The following ERC1 variants were observed in gnomAD, a reference collection of about 807,000 sequenced individuals.
The protein encoded by ERC1 is ELKS/RAB6-interacting/CAST family member 1, also known as RAB6 interacting protein 2.
A neutral mutation model predicts 132.0 loss-of-function variants in ERC1; 56 were observed. The observed-to-expected ratio is 0.42, with a 90% CI of 0.34 to 0.53. ERC1 has a LOEUF of 0.53. Among genes scored for constraint, ERC1 ranks in the 20% least tolerant of loss-of-function variants. The pLI is 0.03. For synonymous variants in ERC1, 478 were observed against 476.1 expected, an observed-to-expected ratio of 1.00 and a Z score of -0.05; for missense variants, 1,202 against 1,349.9, an observed-to-expected ratio of 0.89 and a Z score of 1.72.
intron 14 of ERC1, among the ~76,000 whole-genome samples, chr12:1,284,315 TACC>T (rs1327151321): frequency 6.7e-6 from 1 of 150,258 alleles, no homozygotes; most frequent in African/African-American, 2.4e-5. Flanking sequence ...TGTGTATACA[TACC>T]ACATTTTATC....
intron 18 of ERC1, among the ~76,000 whole-genome samples, chr12:1,479,836 A>G (rs1328413269): frequency 6.6e-6 from 1 of 152,152 alleles, no homozygotes; most frequent in Non-Finnish European, 1.5e-5. Context: ...GGACGGATCC[A>G]GACTCCCCGG....
intron 15 of ERC1, among the ~76,000 whole-genome samples, chr12:1,294,641 G>A (rs2154342047): frequency 6.6e-6 from 1 of 152,250 alleles, no homozygotes; most frequent in East Asian, 1.9e-4. Context: ...GGAGGTATAG[G>A]ATCAACCCTC....
At chr12:1,100,954 TAGG>T (rs1944591677) in intron 3 of ERC1, among the ~76,000 whole-genome samples, 2 of 151,770 alleles carry the variant, frequency 1.3e-5, no homozygotes, top group African/African-American at 4.8e-5. Context: ...TAGGGTAAGA[TAGG>T]AGGAAAAGCT....
At chr12:1,341,069 CTTTTTTTTTTTTTT>C (rs35902573) in intron 15 of ERC1, among the ~76,000 whole-genome samples, 24,645 of 63,364 alleles carry the variant, frequency 0.39, 4,156 homozygotes, top group Middle Eastern at 0.52. Flanking sequence ...TTTTCTTTTT[CTTTTTTTTTTTTTT>C]TTTTTTTTTT....
chr12:1,417,856 G>A (rs2092200776), intron 17 of ERC1, among the ~76,000 whole-genome samples: 1 of 152,024 alleles, frequency 6.6e-6, no homozygotes. Flanking sequence ...GTAAATGATG[G>A]ATGATGCTAG....
chr12:1,180,282 TGC>T (rs112331784), intron 8 of ERC1, among the ~76,000 whole-genome samples: 3,216 of 144,308 alleles, frequency 0.022, 53 homozygotes, highest in East Asian at 0.072. Flanking sequence ...TGTGTGTGTG[TGC>T]GCGCACGCGT....
intron 12 of ERC1, among the ~76,000 whole-genome samples, chr12:1,226,575 C>T (rs922604801): frequency 7.2e-5 from 11 of 152,224 alleles, no homozygotes; most frequent in South Asian, 2.1e-4. Flanking sequence ...ACATCTTCCA[C>T]GATCTCCCCC....
chr12:1,017,281 C>T (rs1015916244), intron 1 of ERC1, among the ~76,000 whole-genome samples: 1 of 151,270 alleles, frequency 6.6e-6, no homozygotes, highest in Non-Finnish European at 1.5e-5. Context: ...ACAGGCATGA[C>T]CCACCATGCT....
chr12:1,283,538 T>G (rs2078832649), intron 14 of ERC1, among the ~76,000 whole-genome samples: 1 of 152,198 alleles, frequency 6.6e-6, no homozygotes, highest in Non-Finnish European at 1.5e-5. Context: ...ACTTTGAAAC[T>G]GTTTCCCTGG....
chr12:1,442,981 C>T (rs1003503943), intron 17 of ERC1, among the ~76,000 whole-genome samples: 1 of 149,362 alleles, frequency 6.7e-6, no homozygotes, highest in African/African-American at 2.5e-5. Context: ...GATCTCGGCT[C>T]ACTGCAAGCT....
chr12:1,129,069 T>C (rs773750148), intron 7 of ERC1, among the ~76,000 whole-genome samples: 1 of 152,192 alleles, frequency 6.6e-6, no homozygotes, highest in Non-Finnish European at 1.5e-5. Flanking sequence ...GCTGAGAATT[T>C]TTCTGATTTT....
At chr12:1,146,341 T>C (rs1052112174) in intron 8 of ERC1, among the ~76,000 whole-genome samples, 3 of 129,682 alleles carry the variant, frequency 2.3e-5, no homozygotes, top group Admixed American at 1.6e-4. Flanking sequence ...TTTGCAGTTA[T>C]TGTAAAAGGG....
intron 2 of ERC1, among the ~76,000 whole-genome samples, chr12:1,035,502 A>C (rs1262808334): frequency 2.6e-5 from 4 of 152,228 alleles, no homozygotes; most frequent in African/African-American, 9.6e-5. Flanking sequence ...GAGAGTTAGA[A>C]TAGTATGTAA....
chr12:1,466,050 T>G (rs2093736397), intron 18 of ERC1, among the ~76,000 whole-genome samples: 1 of 152,152 alleles, frequency 6.6e-6, no homozygotes, highest in Admixed American at 6.5e-5. Flanking sequence ...AAATGGTGGT[T>G]AGGTCCTGTG....
chr12:996,564 G>T (rs1375922140), intron 1 of ERC1, among the ~76,000 whole-genome samples: 1 of 152,036 alleles, frequency 6.6e-6, no homozygotes, highest in East Asian at 1.9e-4. Flanking sequence ...CTGCACTCCA[G>T]CCTGGGCTAC....
intron 17 of ERC1, among the ~76,000 whole-genome samples, chr12:1,414,832 C>G (rs1257208771): frequency 6.6e-6 from 1 of 151,902 alleles, no homozygotes; most frequent in Non-Finnish European, 1.5e-5. Flanking sequence ...AGTAGGTCCT[C>G]AGTAAATATA....
At chr12:1,476,255 C>CA (rs532457719) in intron 18 of ERC1, among the ~76,000 whole-genome samples, 5,447 of 131,110 alleles carry the variant, frequency 0.042, 190 homozygotes, top group African/African-American at 0.1. Context: ...GACTCCATCT[C>CA]AAAAAAAAAA....
intron 15 of ERC1, among the ~76,000 whole-genome samples, chr12:1,343,415 T>C (rs1022571704): frequency 1.3e-5 from 2 of 152,220 alleles, no homozygotes; most frequent in African/African-American, 2.4e-5. Flanking sequence ...GGCATGAAAC[T>C]ATCCCATACA....
chr12:1,383,623 G>A (rs1161589649), intron 16 of ERC1, among the ~76,000 whole-genome samples: 1 of 152,114 alleles, frequency 6.6e-6, no homozygotes, highest in Non-Finnish European at 1.5e-5. Context: ...GACAAAACAA[G>A]ACTCTGTCAC....
Sources: allele counts gnomAD v4.1 joint callset (sites outside exome capture counted in the v4.1 genomes callset), GRCh38; gene constraint gnomAD v4.1.1; transcripts MANE v1.5; gene names NCBI Gene and HGNC (gene_info 2026-07-23, HGNC 2026-07-21).